TFB1M: variants seen among roughly 807,000 people sequenced by gnomAD.
The protein encoded by TFB1M is dimethyladenosine transferase 1, mitochondrial.
Under a neutral mutation model 31.1 loss-of-function variants are expected in TFB1M, and 27 were observed. The ratio of observed to expected loss-of-function variants is 0.87; its 90% confidence interval spans 0.64 to 1.20. The LOEUF is 1.20. TFB1M is among the 50% of genes most tolerant of loss of function. TFB1M has a pLI of 0.00. For synonymous variants in TFB1M, 166 were observed against 151.8 expected, an observed-to-expected ratio of 1.09 and a Z score of -0.69; for missense variants, 394 against 418.7, an observed-to-expected ratio of 0.94 and a Z score of 0.51.
At chr6:155,250,907 A>G in the TFB1M span, 1 of 1,613,954 alleles carries the variant, frequency 6.2e-7, no homozygotes, top group East Asian at 2.2e-5. Context: ...TGTTTTTACA[A>G]TCTAGGTAAC....
At chr6:155,273,124 A>C (rs62427184) in intron 5 of TFB1M, among the ~76,000 whole-genome samples, 44,453 of 152,106 alleles carry the variant, frequency 0.29, 7,245 homozygotes, top group East Asian at 0.66. Context: ...CTAAAACCTA[A>C]ACTTGAAAGC....
At position 155,314,437 on chromosome 6, in the gene TFB1M, G is replaced by A; in HGVS notation, c.-9C>T. The A allele has an allele frequency of 6.2e-7, 1 of 1,614,110 alleles. No homozygotes were observed. The highest frequency in any genetic ancestry group is 8.5e-7 in the Non-Finnish European group (1 of 1,179,996). ...TTTCCGGAGGCAGCCATGATACGCG[G>A]CAAGCACCATCCAACCCTACCTCAC... On this transcript the variant is annotated 5_prime_UTR_variant, in exon 1 of 7. Transcript: ENST00000367166.
intron 5 of TFB1M, among the ~76,000 whole-genome samples, chr6:155,262,868 T>C (rs1309655080): frequency 6.6e-6 from 1 of 152,204 alleles, no homozygotes; most frequent in Non-Finnish European, 1.5e-5. Context: ...AAATAAAGTT[T>C]TAAAACCCTG....
chr6:155,293,039 A>G (rs976084454), intron 4 of TFB1M, among the ~76,000 whole-genome samples: 2 of 152,024 alleles, frequency 1.3e-5, no homozygotes, highest in Non-Finnish European at 1.5e-5. Context: ...ATAGGGAGCT[A>G]TGTTACCCAG....
At chr6:155,253,108 T>C (rs1783771906), downstream of TFB1M, 3 of 1,435,400 alleles carry the variant, frequency 2.1e-6, no homozygotes, top group South Asian at 1.2e-5. Context: ...GACTTAACTG[T>C]GGAATGTAAA....
At chr6:155,251,320 CTT>C (rs1003529746), downstream of TFB1M, among the ~76,000 whole-genome samples, 3 of 152,126 alleles carry the variant, frequency 2.0e-5, no homozygotes, top group African/African-American at 7.2e-5. Context: ...AGGTTTTGCT[CTT>C]GTTGCCCAGG....
At chr6:155,300,232 A>G (rs1441010052) in intron 2 of TFB1M, among the ~76,000 whole-genome samples, 1 of 152,250 alleles carries the variant, frequency 6.6e-6, no homozygotes, top group Non-Finnish European at 1.5e-5. Context: ...TCTATTGGTA[A>G]GAGGCTAAAC....
At chr6:155,297,737 T>C (rs562418438) in intron 3 of TFB1M, among the ~76,000 whole-genome samples, 27 of 152,308 alleles carry the variant, frequency 1.8e-4, no homozygotes, top group African/African-American at 5.5e-4. Flanking sequence ...TACAGTTAAA[T>C]GAATTTGGGA....
At chr6:155,260,208 A>C (rs1322609080) in intron 6 of TFB1M, 65 bp downstream of exon 6, 2 of 1,564,708 alleles carry the variant, frequency 1.3e-6, no homozygotes, top group Non-Finnish European at 1.8e-6. Flanking sequence ...CAAGGTTCTC[A>C]CTCTTAAAAA....
chr6:155,269,613 C>T (rs992476556), intron 5 of TFB1M, among the ~76,000 whole-genome samples: 7 of 152,142 alleles, frequency 4.6e-5, no homozygotes, highest in Non-Finnish European at 8.8e-5. Context: ...TGAGCCACCA[C>T]GCCCGGCCAG....
chr6:155,280,312 C>A (rs905167920), intron 5 of TFB1M, among the ~76,000 whole-genome samples: 1 of 152,138 alleles, frequency 6.6e-6, no homozygotes, highest in African/African-American at 2.4e-5. Context: ...TAATGGCTCC[C>A]AGAGATGGAG....
chr6:155,275,078 T>C (rs1226520716), intron 5 of TFB1M, among the ~76,000 whole-genome samples: 2 of 150,274 alleles, frequency 1.3e-5, no homozygotes, highest in Admixed American at 6.6e-5. Context: ...AAAAAAAAAT[T>C]AGCCGGGCAT....
At chr6:155,254,249 T>C, downstream of TFB1M, 1 of 1,012,388 alleles carries the variant, frequency 9.9e-7, no homozygotes, top group Non-Finnish European at 1.4e-6. Context: ...ATCTTAAGAG[T>C]GATCAATTCT....
intron 6 of TFB1M, among the ~76,000 whole-genome samples, chr6:155,259,664 C>T (rs1290053534): frequency 6.6e-6 from 1 of 152,236 alleles, no homozygotes; most frequent in Non-Finnish European, 1.5e-5. Flanking sequence ...TTCCTGCCTT[C>T]TTAAGCAGAC....
downstream of TFB1M, among the ~76,000 whole-genome samples, chr6:155,252,298 C>T (rs373900341): frequency 1.3e-5 from 2 of 152,152 alleles, no homozygotes. Context: ...ATGGTGAAAC[C>T]CTGCCTCTAC....
At chr6:155,260,133 G>T in intron 6 of TFB1M, 140 bp downstream of exon 6, 1 of 989,332 alleles carries the variant, frequency 1.0e-6, no homozygotes, top group Non-Finnish European at 1.6e-6. Flanking sequence ...CTCATTGGCA[G>T]TGAAGTCTTG....
chr6:155,307,666 T>C (rs559645588), intron 2 of TFB1M, among the ~76,000 whole-genome samples: 8 of 152,258 alleles, frequency 5.3e-5, no homozygotes, highest in Non-Finnish European at 1.0e-4. Flanking sequence ...ATATTAGCTA[T>C]TATTATTTTT....
At chr6:155,309,198 T>C (rs1777913162) in intron 2 of TFB1M, among the ~76,000 whole-genome samples, 1 of 152,248 alleles carries the variant, frequency 6.6e-6, no homozygotes, top group Non-Finnish European at 1.5e-5. Context: ...GAGAGATACA[T>C]ATACATTTGT....
At chr6:155,302,315 G>T (rs969401624) in intron 2 of TFB1M, among the ~76,000 whole-genome samples, 2 of 152,064 alleles carry the variant, frequency 1.3e-5, no homozygotes, top group African/African-American at 4.8e-5. Context: ...TTGTAACAGG[G>T]CTGGGCAAAA....
Sources: allele counts gnomAD v4.1 joint callset (sites outside exome capture counted in the v4.1 genomes callset), GRCh38; gene constraint gnomAD v4.1.1; transcripts MANE v1.5; gene names NCBI Gene and HGNC (gene_info 2026-07-23, HGNC 2026-07-21).